Variants in DNER observed in about 807,000 individuals in gnomAD.
DNER encodes delta and Notch-like epidermal growth factor-related receptor.
A neutral mutation model predicts 78.2 loss-of-function variants in DNER; 33 were observed. The observed-to-expected ratio is 0.42, with a 90% CI of 0.32 to 0.56. The LOEUF (loss-of-function observed/expected upper bound fraction) is 0.56, where lower values mean the gene tolerates loss of function less well. Among genes scored for constraint, DNER ranks in the 20% least tolerant of loss-of-function variants. The pLI is 0.11. For missense variants in DNER, 918 were observed against 975.3 expected, an observed-to-expected ratio of 0.94 and a Z score of 0.78; for synonymous variants, 417 against 384.8, an observed-to-expected ratio of 1.08 and a Z score of -0.98.
intron 4 of DNER, among the ~76,000 whole-genome samples, chr2:229,570,562 G>A (rs770991043): frequency 5.3e-5 from 8 of 152,008 alleles, no homozygotes; most frequent in Non-Finnish European, 1.0e-4. Flanking sequence ...GGGAGGCAGA[G>A]GTTGCAGTGA....
intron 1 of DNER, among the ~76,000 whole-genome samples, chr2:229,681,531 T>C (rs1325880173): frequency 6.6e-6 from 1 of 152,138 alleles, no homozygotes; most frequent in Non-Finnish European, 1.5e-5. Context: ...AATAGTTTCA[T>C]TTAATAATAA....
chr2:229,507,255 C>A (rs181116357), intron 6 of DNER, among the ~76,000 whole-genome samples: 2 of 152,288 alleles, frequency 1.3e-5, no homozygotes, highest in African/African-American at 4.8e-5. Context: ...ACTGTTTATG[C>A]GGTCCATCAC....
chr2:229,432,605 G>A (rs1694031142), intron 8 of DNER, among the ~76,000 whole-genome samples: 1 of 152,024 alleles, frequency 6.6e-6, no homozygotes, highest in Non-Finnish European at 1.5e-5. Context: ...TTCATTTGAG[G>A]TATCCGCACT....
chr2:229,622,499 C>T (rs559367597), intron 1 of DNER, among the ~76,000 whole-genome samples: 1 of 152,272 alleles, frequency 6.6e-6, no homozygotes, highest in African/African-American at 2.4e-5. Context: ...GAACTTGATC[C>T]CCCCTCAGCC....
intron 1 of DNER, among the ~76,000 whole-genome samples, chr2:229,655,503 C>T (rs544749897): frequency 1.3e-5 from 2 of 152,186 alleles, no homozygotes; most frequent in South Asian, 2.1e-4. Context: ...GAGGCAAATA[C>T]GACAGTTCAG....
chr2:229,479,141 GATC>G, intron 6 of DNER, among the ~76,000 whole-genome samples: 1 of 152,190 alleles, frequency 6.6e-6, no homozygotes, highest in Non-Finnish European at 1.5e-5. Flanking sequence ...CAAAGGACAT[GATC>G]GCATTCCTTT....
In DNER at chr2:229,440,665, A is replaced by T. The variant is rs1376306911; in HGVS notation, c.1486+6651T>A. Among the ~76,000 whole-genome samples, 4 of 152,154 alleles carry T rather than the reference A, an allele frequency of 2.6e-5. 1 individual carries two copies. Among genetic ancestry groups the T allele is most frequent in the African/African-American group, 9.7e-5 (4 of 41,416 alleles). On this transcript the variant is annotated intron_variant, in intron 8 of 12. Transcript: ENST00000341772. Reference sequence around the variant, plus strand: ...AGTCTTGTTCCCACATTCCAGCCCCAAGTAAGAACCATTTACCGACACATC... The same window carrying T: ...AGTCTTGTTCCCACATTCCAGCCCCTAGTAAGAACCATTTACCGACACATC...
At chr2:229,490,723 T>A (rs934093649) in intron 6 of DNER, among the ~76,000 whole-genome samples, 1 of 152,154 alleles carries the variant, frequency 6.6e-6, no homozygotes. Flanking sequence ...CTTGCTGGTA[T>A]GTGGATTGTA....
chr2:229,569,194 A>G lies in DNER; in HGVS notation c.847+16664T>C, dbSNP rs191905031. Among the ~76,000 whole-genome samples the G allele has an allele frequency of 1.1e-4, 17 of 152,318 alleles. No homozygotes were observed. In the East Asian group the frequency reaches 3.1e-3, roughly 28 times the overall value. Reference sequence around the variant, plus strand: ...GTATTCACAGGATACTCGTTCCAGGAACCCCCACAGATACCAAAATCTGAA... The same window carrying G: ...GTATTCACAGGATACTCGTTCCAGGGACCCCCACAGATACCAAAATCTGAA... On this transcript the variant is annotated intron_variant, in intron 4 of 12. Transcript: ENST00000341772.
intron 1 of DNER, among the ~76,000 whole-genome samples, chr2:229,622,660 ATAGT>A (rs774394130): frequency 7.2e-5 from 11 of 152,172 alleles, no homozygotes; most frequent in Admixed American, 2.6e-4. Context: ...CTTTGTGGAC[ATAGT>A]TAGATATGAT....
At chr2:229,486,904 G>C (rs978972717) in intron 6 of DNER, among the ~76,000 whole-genome samples, 1 of 152,120 alleles carries the variant, frequency 6.6e-6, no homozygotes, top group Admixed American at 6.5e-5. Flanking sequence ...CTGGGGGTGG[G>C]GCCTGGCAAC....
intron 5 of DNER, among the ~76,000 whole-genome samples, chr2:229,530,685 T>C (rs1696285081): frequency 6.6e-6 from 1 of 152,234 alleles, no homozygotes; most frequent in Admixed American, 6.5e-5. Context: ...CTATCCCTTA[T>C]TGACTTGGAA....
At chr2:229,684,566 T>C (rs1699452735) in intron 1 of DNER, among the ~76,000 whole-genome samples, 1 of 152,138 alleles carries the variant, frequency 6.6e-6, no homozygotes, top group Non-Finnish European at 1.5e-5. Flanking sequence ...TCGAAATGTC[T>C]GCTGGGCCCC....
intron 1 of DNER, among the ~76,000 whole-genome samples, chr2:229,594,021 A>G (rs377400995): frequency 8.5e-5 from 13 of 152,380 alleles, no homozygotes; most frequent in African/African-American, 3.1e-4. Context: ...TCACAGCTTC[A>G]GCTCCATTGC....
In DNER at chr2:229,458,346, G is replaced by A. The variant is rs1025738371; in HGVS notation, c.1262-10806C>T. 1.7e-4 allele frequency among the ~76,000 whole-genome samples: 26 copies of A among 151,660 alleles called. 1 individual carries two copies. The highest frequency in any genetic ancestry group is 5.3e-4 in the Admixed American group (8 of 15,220). On this transcript the variant is annotated intron_variant, in intron 7 of 12. Transcript: ENST00000341772. ...CTTTAACAATCCCAAATATGTAGGC[G>A]CCTAATAAGAGAGCTTCAAAATACA...
chr2:229,364,538 T>C (rs1692297274), intron 12 of DNER, among the ~76,000 whole-genome samples: 1 of 152,144 alleles, frequency 6.6e-6, no homozygotes, highest in Admixed American at 6.5e-5. Flanking sequence ...TGAGCAGCCA[T>C]GCAGGGTCCA....
intron 1 of DNER, among the ~76,000 whole-genome samples, chr2:229,605,057 T>C (rs538148613): frequency 5.9e-5 from 9 of 151,582 alleles, no homozygotes; most frequent in Non-Finnish European, 1.0e-4. Context: ...GGTTGTTTTA[T>C]TTTTTTTTCT....
At chr2:229,578,073 G>A (rs188681972) in intron 4 of DNER, among the ~76,000 whole-genome samples, 11 of 152,272 alleles carry the variant, frequency 7.2e-5, no homozygotes, top group East Asian at 5.8e-4. Context: ...AAAGAGACAC[G>A]CAGACCCTCA....
intron 1 of DNER, among the ~76,000 whole-genome samples, chr2:229,608,836 ATGT>A (rs1697994672): frequency 6.6e-6 from 1 of 152,200 alleles, no homozygotes; most frequent in Non-Finnish European, 1.5e-5. Flanking sequence ...TGGCAGAATG[ATGT>A]TTGTTGAATC....
Sources: gnomAD v4.1 joint callset for allele counts (sites outside exome capture counted in the v4.1 genomes callset) on GRCh38, gnomAD v4.1.1 for gene constraint, MANE v1.5 for transcripts, NCBI Gene and HGNC (gene_info 2026-07-23, HGNC 2026-07-21) for gene names.